Variants in RNF31 observed in about 807,000 individuals in gnomAD.
The protein encoded by RNF31 is E3 ubiquitin-protein ligase RNF31.
RNF31 carries 38 observed loss-of-function variants against 133.6 expected under a neutral mutation model. The ratio of observed to expected loss-of-function variants is 0.28; its 90% CI spans 0.22 to 0.37. The LOEUF is 0.37. Ranked by LOEUF, RNF31 falls within the 10% of genes least tolerant of loss-of-function variation. The pLI is 1.00. For synonymous variants in RNF31, 582 were observed against 552.3 expected, an observed-to-expected ratio of 1.05 and a Z score of -0.75; for missense variants, 1,118 against 1,394.1, an observed-to-expected ratio of 0.80 and a Z score of 3.15.
In RNF31 at chr14:24,151,313, C is replaced by G; in HGVS notation, c.1671C>G (p.Ala557=). Residue 557 remains alanine (A), a synonymous_variant, in exon 9 of 21, where the codon GCC becomes GCG. Coordinates refer to ENST00000324103, the MANE Select transcript of RNF31 (RefSeq NM_017999.5). The surrounding 1 kb of genome is among the most constrained non-coding windows in gnomAD (Gnocchi z 5.3). ...GAFSCQEARR[A]WLDRHGNLDE... ...TTTCCTGTCAGGAGGCCCGGAGAGCCTGGCTGGATCGTCATGGCAACCTTG... is the reference window on the plus strand; with the variant it reads ...TTTCCTGTCAGGAGGCCCGGAGAGCGTGGCTGGATCGTCATGGCAACCTTG... 1 of 1,614,220 alleles carries G rather than the reference C, an allele frequency of 6.2e-7. No individual in the cohort carries two copies. Among genetic ancestry groups the G allele is most frequent in the Non-Finnish European group, 8.5e-7 (1 of 1,180,038 alleles).
chr14:24,152,043 AC>A, intron 11 of RNF31, 51 bp downstream of exon 11: 2 of 1,538,752 alleles, frequency 1.3e-6, no homozygotes, highest in Non-Finnish European at 1.8e-6. Context: ...ATTCTTTTGG[AC>A]CCCCATCCTA....
Position 24,150,440 on chromosome 14 carries a change from C to T in RNF31, c.1189C>T (p.Pro397Ser), listed in dbSNP as rs948618954. 3 of 1,609,188 alleles carry T rather than the reference C, an allele frequency of 1.9e-6. No homozygotes were observed. Among genetic ancestry groups the T allele is most frequent in the African/African-American group, 2.7e-5 (2 of 74,830 alleles). Residue 397 changes from proline to serine, a missense_variant, in exon 7 of 21, where the codon CCC (proline) becomes TCC (serine). By Grantham distance (74) the Pro-to-Ser change is moderately conservative. Around this residue, in one of 3 missense-constraint regions of RNF31, gnomAD observed 747 missense variants for 827.9 expected, o/e 0.90. Transcript: ENST00000324103. ...CCGAGATGCTGGCATTTGCCTGCAA[C>T]CCCTTCAGGTAACTGGCCTTCCCAG... ...DSRDAGICLQ[P>S]LQQGDALLAS...
chr14:24,155,428 A>G lies in RNF31; in HGVS notation c.2319A>G (p.Leu773=). ...STLDIQLRES[L]EPDAYALFHK... is the part of the protein sequence containing the mutation. ...CCTGTCCCCAGCTTCGCGAGAGCCT[A>G]GAGCCAGATGCCTATGCGTTGTTCC... is the stretch of plus-strand genomic sequence containing the variant. Residue 773 remains leucine, a synonymous_variant, in exon 13 of 21, where the codon CTA becomes CTG. Transcript: ENST00000324103. This position sits in a 1 kb window ranked among gnomAD's most constrained non-coding sequence, Gnocchi z 4.9. The G allele has an allele frequency of 6.2e-7, 1 of 1,614,172 alleles. No homozygotes were observed.
chr14:24,152,033 A>C (rs777802768), intron 11 of RNF31, 41 bp downstream of exon 11: 23 of 1,579,242 alleles, frequency 1.5e-5, no homozygotes, highest in South Asian at 2.3e-5. Context: ...GAATTACTCT[A>C]TTCTTTTGGA....
In RNF31 at chr14:24,151,725, T is replaced by C. The variant is rs2038269742; in HGVS notation, c.1923+55T>C. The C allele has an allele frequency of 2.5e-6, 4 of 1,601,900 alleles. No homozygotes were observed. In the East Asian group the frequency reaches 8.9e-5, roughly 36 times the overall value. ...TCCACCTAGAGGAGCAAGAGGGAGC[T>C]GAGGGGAAGGGTCCCTGGAGTCTGA... is the stretch of plus-strand genomic sequence containing the variant. On this transcript the variant is annotated intron_variant, in intron 10 of 20. Coordinates refer to ENST00000324103, the MANE Select transcript of RNF31 (RefSeq NM_017999.5). The surrounding 1 kb of genome is among the most constrained non-coding windows in gnomAD (Gnocchi z 5.3).
rs1010078430 is a variant in RNF31, at chr14:24,150,100, C to A, written c.849C>A (p.Ser283=). 6.3e-7 allele frequency: 1 copy of A among 1,598,744 alleles called. No individual in the cohort carries two copies. The highest frequency in any genetic ancestry group is 8.6e-7 in the Non-Finnish European group (1 of 1,168,844). ...CCCAACCACGGCCCCAGTCGACCTC[C>A]CTGCTGGCCCTGGGAGACAGCTCTC... ...ASAQPRPQST[S]LLALGDSSLS... Residue 283 remains serine (S), a synonymous_variant, in exon 7 of 21, where the codon TCC becomes TCA. Transcript: ENST00000324103.
At chr14:24,159,520 A>G (rs1350613387) in intron 18 of RNF31, among the ~76,000 whole-genome samples, 1 of 151,800 alleles carries the variant, frequency 6.6e-6, no homozygotes, top group Non-Finnish European at 1.5e-5. Context: ...TTAAAAAATA[A>G]AAATAAAAAA....
At position 24,151,478 on chromosome 14, in the gene RNF31, C is replaced by T. The variant is rs759044555; in HGVS notation, c.1738-7C>T. The T allele has an allele frequency of 1.2e-6, 2 of 1,614,072 alleles. No homozygotes were observed. The highest frequency in any genetic ancestry group is 2.2e-5 in the South Asian group (2 of 91,082). The stretch of plus-strand genomic sequence containing the variant: ...CTTCATTCCCCCTTGCCACTCCCAT[C>T]TTGCAGGTGCAGGAGCTCCAGTCTC... On this transcript the variant is annotated splice_region_variant and splice_polypyrimidine_tract_variant and intron_variant, in intron 9 of 20. Transcript: ENST00000324103. The surrounding 1 kb of genome is among the most constrained non-coding windows in gnomAD (Gnocchi z 5.3).
At chr14:24,149,923 A>G (rs930771042) in intron 6 of RNF31, 138 bp from the exon 7 acceptor site, 3 of 1,022,106 alleles carry the variant, frequency 2.9e-6, no homozygotes, top group South Asian at 3.2e-5. Context: ...AGCTATGGGT[A>G]TAGGAGTATT....
chr14:24,158,258 G>A, intron 18 of RNF31, 59 bp downstream of exon 18: 1 of 1,528,064 alleles, frequency 6.5e-7, no homozygotes, highest in Non-Finnish European at 9.1e-7. Context: ...CCCACCGTGT[G>A]ATGGGTAAAG....
chr14:24,155,721 CTTG>C lies in RNF31; in HGVS notation c.2493+30_2493+32del. The C allele has an allele frequency of 1.9e-6, 3 of 1,582,608 alleles. No individual in the cohort carries two copies. Among genetic ancestry groups the C allele is most frequent in the Non-Finnish European group, 2.6e-6 (3 of 1,151,966 alleles). On this transcript the variant is annotated intron_variant, in intron 14 of 20. Coordinates refer to ENST00000324103, the MANE Select transcript of RNF31 (RefSeq NM_017999.5). This position sits in a 1 kb window ranked among gnomAD's most constrained non-coding sequence, Gnocchi z 4.9. Reference sequence around the variant, plus strand: ...AGGCACATTCATCCTTTCAGAAATACTTGCTGAGCTACTGCCAGGTACTGTGTT... The same window carrying C: ...AGGCACATTCATCCTTTCAGAAATACCTGAGCTACTGCCAGGTACTGTGTT...
chr14:24,154,728 G>T (rs989396401), intron 11 of RNF31, among the ~76,000 whole-genome samples: 1 of 152,074 alleles, frequency 6.6e-6, no homozygotes, highest in Non-Finnish European at 1.5e-5. Context: ...TCTGTCCCAC[G>T]TATGGATGCA....
Position 24,151,250 on chromosome 14 carries a change from T to A in RNF31, c.1608T>A (p.Ala536=). The A allele has an allele frequency of 6.2e-7, 1 of 1,614,212 alleles. No individual in the cohort carries two copies. The highest frequency in any genetic ancestry group is 8.5e-7 in the Non-Finnish European group (1 of 1,180,030). The change falls in exon 9 of 21, where the codon GCT becomes GCA. Residue 536 remains alanine (A), a synonymous_variant. Coordinates refer to ENST00000324103, the MANE Select transcript of RNF31 (RefSeq NM_017999.5). The surrounding 1 kb of genome is among the most constrained non-coding windows in gnomAD (Gnocchi z 5.3). ...SELPYVLEMV[A]ELAGQQDPGL... ...TGCCCTACGTCCTGGAGATGGTGGC[T>A]GAGCTGGCTGGACAGCAGGACCCTG...
At chr14:24,156,691 A>C (rs2038344942) in intron 14 of RNF31, among the ~76,000 whole-genome samples, 1 of 152,046 alleles carries the variant, frequency 6.6e-6, no homozygotes, top group South Asian at 2.1e-4. Flanking sequence ...AGGCAGGAGA[A>C]TCGCTTGAAC....
intron 1 of RNF31, 40 bp from the exon 2 acceptor site, chr14:24,147,936 C>G (rs1204509205): frequency 6.2e-7 from 1 of 1,613,572 alleles, no homozygotes; most frequent in Non-Finnish European, 8.5e-7. Context: ...GGCCTGAGGC[C>G]CAGGCCACGC....
chr14:24,159,760 T>TC, intron 18 of RNF31, 104 bp from the exon 19 acceptor site: 1 of 873,260 alleles, frequency 1.1e-6, no homozygotes, highest in East Asian at 2.4e-5. Flanking sequence ...CTGTGCTCGG[T>TC]CCCTTCCTTG....
At chr14:24,156,142 T>C (rs1395020481) in intron 14 of RNF31, among the ~76,000 whole-genome samples, 1 of 151,816 alleles carries the variant, frequency 6.6e-6, no homozygotes, top group Non-Finnish European at 1.5e-5. Context: ...CAGAAAAAAG[T>C]GTTGTATGGC....
chr14:24,158,328 A>G, intron 18 of RNF31, 129 bp downstream of exon 18: 1 of 815,064 alleles, frequency 1.2e-6, no homozygotes, highest in Non-Finnish European at 2.0e-6. Context: ...TTGAGACCCA[A>G]GGCCTTGTTT....
chr14:24,152,937 C>T (rs1016419895), intron 11 of RNF31, among the ~76,000 whole-genome samples: 2 of 151,690 alleles, frequency 1.3e-5, no homozygotes, highest in Admixed American at 1.3e-4. Flanking sequence ...AAAAATTAGC[C>T]AGGTGTGGTG....
Sources: allele counts gnomAD v4.1 joint callset (sites outside exome capture counted in the v4.1 genomes callset), GRCh38; gene constraint gnomAD v4.1.1; regional missense constraint gnomAD v4.1.1; non-coding constraint Gnocchi (gnomAD v3.1); transcripts MANE v1.5; gene names NCBI Gene and HGNC (gene_info 2026-07-23, HGNC 2026-07-21).